The following PCDH11X variants were observed in gnomAD, a reference collection of about 807,000 sequenced individuals.
PCDH11X encodes the protein protocadherin-11 X-linked.
Under a neutral mutation model 53.3 loss-of-function variants are expected in PCDH11X, and 18 were observed. The observed-to-expected ratio is 0.34, with a 90% CI of 0.23 to 0.50. The LOEUF (loss-of-function observed/expected upper bound fraction) is 0.50, where lower values mean the gene tolerates loss of function less well. Ranked by LOEUF, PCDH11X falls within the 20% of genes least tolerant of loss-of-function variation. The pLI is 0.98. For synonymous variants in PCDH11X, 279 were observed against 393.3 expected (o/e 0.71, Z 3.44); for missense variants, 570 against 1,032.4 (o/e 0.55, Z 6.14).
intron 6 of PCDH11X, among the ~76,000 whole-genome samples, chrX:91,892,012 G>GGTGTGT (rs367707799): frequency 2.8e-3 from 234 of 83,064 alleles, no homozygotes; most frequent in African/African-American, 7.8e-3. Context: ...TAATTAGAGG[G>GGTGTGT]GTGTGTGTGT....
chrX:92,290,070 A>AT (rs1286108069), intron 8 of PCDH11X, among the ~76,000 whole-genome samples: 1 of 111,715 alleles, frequency 9.0e-6, no homozygotes, highest in African/African-American at 3.2e-5. Flanking sequence ...CGATCAAATA[A>AT]TTTTTTATCA....
chrX:92,500,313 A>T, intron 10 of PCDH11X, among the ~76,000 whole-genome samples: 1 of 111,891 alleles, frequency 8.9e-6, no homozygotes, highest in Middle Eastern at 4.6e-3. Context: ...TATAAAAATC[A>T]ACTGATTTCT....
chrX:92,105,907 G>A (rs1400150158), intron 6 of PCDH11X, among the ~76,000 whole-genome samples: 1 of 111,452 alleles, frequency 9.0e-6, no homozygotes, highest in Non-Finnish European at 1.9e-5. Flanking sequence ...CTTGGGCTCA[G>A]AGGCCTGACA....
At chrX:92,098,847 A>C (rs982103693) in intron 6 of PCDH11X, among the ~76,000 whole-genome samples, 17 of 109,840 alleles carry the variant, frequency 1.5e-4, no homozygotes, top group African/African-American at 5.6e-4. Flanking sequence ...GGGTTTCTCC[A>C]TGTTGGTCAG....
intron 6 of PCDH11X, among the ~76,000 whole-genome samples, chrX:92,034,860 A>T: frequency 9.6e-6 from 1 of 104,408 alleles, no homozygotes; most frequent in Admixed American, 1.0e-4. Flanking sequence ...ACTGAAGGTG[A>T]TTTTCTCTGG....
chrX:92,169,985 C>G (rs1277658551), intron 6 of PCDH11X, among the ~76,000 whole-genome samples: 8 of 111,250 alleles, frequency 7.2e-5, no homozygotes, highest in Admixed American at 6.8e-4. Context: ...TAGCAATTAA[C>G]TTAGTCTGGA....
At chrX:91,874,135 A>C (rs1485877561) in intron 5 of PCDH11X, among the ~76,000 whole-genome samples, 1 of 110,902 alleles carries the variant, frequency 9.0e-6, no homozygotes, top group Non-Finnish European at 1.9e-5. Flanking sequence ...TTTAGAAACT[A>C]TTTTTTCTAC....
At chrX:91,944,055 G>C (rs1390183518) in intron 6 of PCDH11X, among the ~76,000 whole-genome samples, 2 of 87,232 alleles carry the variant, frequency 2.3e-5, no homozygotes, top group East Asian at 4.9e-4. Context: ...GTGTGTGTGT[G>C]TGTGTGTTCG....
intron 6 of PCDH11X, among the ~76,000 whole-genome samples, chrX:91,954,839 C>T (rs988868482): frequency 9.2e-6 from 1 of 108,753 alleles, no homozygotes; most frequent in Non-Finnish European, 1.9e-5. Flanking sequence ...TGTTTAAGTT[C>T]CTTGTAGACT....
chrX:92,358,095 T>A (rs1359158927), intron 8 of PCDH11X, among the ~76,000 whole-genome samples: 1 of 106,657 alleles, frequency 9.4e-6, no homozygotes, highest in African/African-American at 3.4e-5. Context: ...GGAAGGGCAA[T>A]ATGGACTTTG....
At chrX:92,275,308 G>A (rs1339818999) in intron 8 of PCDH11X, among the ~76,000 whole-genome samples, 1 of 102,469 alleles carries the variant, frequency 9.8e-6, no homozygotes, top group African/African-American at 3.5e-5. Context: ...ATTGAGGTTT[G>A]GGAGATTAAT....
rs575523392 is a variant in PCDH11X at position 92,135,757 on chromosome X, T to TTGTGTGTG, written c.3034-65596_3034-65589dup. Among the ~76,000 whole-genome samples, 114 of 100,182 alleles carry TTGTGTGTG rather than the reference T, an allele frequency of 1.1e-3. 2 individuals are homozygous for TTGTGTGTG. The highest frequency in any genetic ancestry group is 1.3e-3 in the East Asian group (4 of 2,991). 87.0% of individuals were successfully genotyped at this position (100,182 alleles called of 115,157 possible). On this transcript the variant is annotated intron_variant, in intron 6 of 10. Transcript: ENST00000682573. ...TATGTACATAGATGTGTGTGCATGT[T>TTGTGTGTG]TGTGTGTGTGTGTGTGTGTGTGTGT... is the stretch of plus-strand genomic sequence containing the variant.
intron 6 of PCDH11X, among the ~76,000 whole-genome samples, chrX:92,176,789 A>G (rs1373947364): frequency 9.0e-6 from 1 of 110,711 alleles, no homozygotes; most frequent in African/African-American, 3.3e-5. Flanking sequence ...AGATACTACA[A>G]TGTCTCTACC....
chrX:92,081,005 G>A (rs1569343734), intron 6 of PCDH11X, among the ~76,000 whole-genome samples: 1 of 110,613 alleles, frequency 9.0e-6, no homozygotes, highest in Non-Finnish European at 1.9e-5. Flanking sequence ...TTAAGAAACA[G>A]AATGAAAGTC....
At chrX:92,263,225 G>A in intron 8 of PCDH11X, 82 bp downstream of exon 8, 1 of 818,998 alleles carries the variant, frequency 1.2e-6, no homozygotes. Context: ...AGTCCATGGA[G>A]TTAAAACTGT....
chrX:92,159,477 G>A (rs1476030564), intron 6 of PCDH11X, among the ~76,000 whole-genome samples: 2 of 106,970 alleles, frequency 1.9e-5, no homozygotes, highest in Non-Finnish European at 3.8e-5. Context: ...GTATAGTTTA[G>A]TATTACAAAA....
chrX:92,614,169 A>AG (rs1927708526), intron 10 of PCDH11X, among the ~76,000 whole-genome samples: 1 of 110,336 alleles, frequency 9.1e-6, no homozygotes, highest in African/African-American at 3.3e-5. Context: ...CCATTGGTGG[A>AG]GGGGTACTGC....
chrX:91,980,114 C>T, intron 6 of PCDH11X, among the ~76,000 whole-genome samples: 1 of 95,786 alleles, frequency 1.0e-5, no homozygotes. Flanking sequence ...TAGGACAAAA[C>T]TCAATTGAAT....
intron 6 of PCDH11X, among the ~76,000 whole-genome samples, chrX:92,043,370 C>T (rs2063239331): frequency 9.2e-6 from 1 of 108,866 alleles, no homozygotes; most frequent in African/African-American, 3.4e-5. Flanking sequence ...TTAATCTATG[C>T]ATAACTGAAA....
Sources: gnomAD v4.1 joint callset for allele counts (sites outside exome capture counted in the v4.1 genomes callset) on GRCh38, gnomAD v4.1.1 for gene constraint, MANE v1.5 for transcripts, NCBI Gene and HGNC (gene_info 2026-07-23, HGNC 2026-07-21) for gene names.